The following SEMA3A variants were observed in gnomAD, a reference collection of about 807,000 sequenced individuals.
SEMA3A encodes the protein semaphorin 3A.
A neutral mutation model predicts 97.9 loss-of-function variants in SEMA3A; 29 were observed. That is an observed-to-expected ratio of 0.30 (90% CI 0.22 to 0.40). The LOEUF is 0.40. Among genes scored for constraint, SEMA3A ranks in the 10% least tolerant of loss-of-function variants. The pLI is 1.00. For missense variants in SEMA3A, 763 were observed against 951.3 expected (o/e 0.80, Z 2.60); for synonymous variants, 321 against 323.7 (o/e 0.99, Z 0.09).
intron 1 of SEMA3A, among the ~76,000 whole-genome samples, chr7:84,385,761 A>C (rs1181874403): frequency 6.6e-6 from 1 of 152,208 alleles, no homozygotes; most frequent in African/African-American, 2.4e-5. Flanking sequence ...AATTGGAAAT[A>C]CATTACCAGA....
At chr7:84,232,225 T>C (rs1027604240) in intron 3 of SEMA3A, among the ~76,000 whole-genome samples, 1 of 148,532 alleles carries the variant, frequency 6.7e-6, no homozygotes, top group African/African-American at 2.4e-5. Flanking sequence ...AGCATTTAAT[T>C]CCACAAATTA....
In SEMA3A at chr7:84,159,219, A is replaced by C. The variant is rs577277958; in HGVS notation, c.113-24268T>G. Among the ~76,000 whole-genome samples, 12 of 152,266 alleles carry C rather than the reference A, an allele frequency of 7.9e-5. No individual in the cohort carries two copies. In the South Asian group the frequency reaches 2.5e-3, roughly 32 times the overall value. ...TAGTACATAGTGAACAGCCACTTTA[A>C]ATTGTTTACCAAGGTCTTAAAGGTA... On this transcript the variant is annotated intron_variant, in intron 1 of 16. Transcript: ENST00000265362.
At chr7:84,311,017 T>TA (rs1801300583) in intron 2 of SEMA3A, among the ~76,000 whole-genome samples, 1 of 150,974 alleles carries the variant, frequency 6.6e-6, no homozygotes, top group South Asian at 2.1e-4. Flanking sequence ...TATATATATA[T>TA]TTCTAATGGC....
At position 84,399,295 on chromosome 7, in the gene SEMA3A, T is replaced by A. The variant is rs557583609; in HGVS notation, c.-245-27395A>T. On this transcript the variant is annotated intron_variant, in intron 1 of 3. Coordinates refer to the SEMA3A transcript ENST00000424555. The stretch of plus-strand genomic sequence containing the variant: ...GGCAGAAGGAATGTGAGTCCCAACC[T>A]TCTTTACCACTGGCTGACTAAAGTG... Among the ~76,000 whole-genome samples the A allele has an allele frequency of 5.3e-5, 8 of 152,338 alleles. No individual in the cohort carries two copies. In the East Asian group the frequency reaches 1.4e-3, roughly 26 times the overall value.
intron 12 of SEMA3A, among the ~76,000 whole-genome samples, chr7:83,995,183 G>C (rs556347654): frequency 3.3e-5 from 5 of 151,994 alleles, no homozygotes; most frequent in Non-Finnish European, 1.5e-5. Flanking sequence ...GCTCGCGCAC[G>C]GTGCGCTCAC....
chr7:84,064,957 C>T (rs1793418492), intron 4 of SEMA3A, among the ~76,000 whole-genome samples: 1 of 152,270 alleles, frequency 6.6e-6, no homozygotes, highest in Non-Finnish European at 1.5e-5. Flanking sequence ...CCCAAATCAA[C>T]AGAATATACA....
intron 1 of SEMA3A, among the ~76,000 whole-genome samples, chr7:84,477,229 G>A (rs1490810984): frequency 6.6e-6 from 1 of 150,622 alleles, no homozygotes; most frequent in Non-Finnish European, 1.5e-5. Flanking sequence ...ACAAGGTCAG[G>A]AGTTCAAGAC....
chr7:84,178,248 T>C (rs1231993804), intron 1 of SEMA3A, among the ~76,000 whole-genome samples: 1 of 152,168 alleles, frequency 6.6e-6, no homozygotes, highest in Non-Finnish European at 1.5e-5. Flanking sequence ...CTTTTGCTTT[T>C]TTATAACACT....
intron 12 of SEMA3A, among the ~76,000 whole-genome samples, chr7:84,000,350 C>A (rs1465019261): frequency 6.6e-6 from 1 of 151,970 alleles, no homozygotes; most frequent in Non-Finnish European, 1.5e-5. Flanking sequence ...TTATTATAAA[C>A]AAATAAGGCT....
intron 1 of SEMA3A, among the ~76,000 whole-genome samples, chr7:84,418,860 TGA>T (rs1804508190): frequency 6.6e-6 from 1 of 151,956 alleles, no homozygotes; most frequent in East Asian, 1.9e-4. Context: ...CTTGTAACTG[TGA>T]GTCAATTCTC....
chr7:84,409,251 T>C (rs1203415565), intron 1 of SEMA3A, among the ~76,000 whole-genome samples: 3 of 151,638 alleles, frequency 2.0e-5, no homozygotes, highest in African/African-American at 4.8e-5. Context: ...TTAATTACCT[T>C]AATTTGATTA....
chr7:84,066,496 C>T lies in SEMA3A; in HGVS notation c.454-5938G>A, dbSNP rs965355832. On this transcript the variant is annotated intron_variant, in intron 4 of 16. Coordinates refer to ENST00000265362, the MANE Select transcript of SEMA3A (RefSeq NM_006080.3). ...AAGTCAAATTGTCCCTGTTTGCAGACGACATGATCGTATATCTAGAAAACC... is the reference window on the plus strand; with the variant it reads ...AAGTCAAATTGTCCCTGTTTGCAGATGACATGATCGTATATCTAGAAAACC... Among the ~76,000 whole-genome samples, 279 of 146,264 alleles carry T rather than the reference C, an allele frequency of 1.9e-3. 1 individual carries two copies. Among genetic ancestry groups the T allele is most frequent in the African/African-American group, 6.3e-3 (243 of 38,406 alleles).
At chr7:84,276,562 T>C (rs1249625981) in intron 3 of SEMA3A, among the ~76,000 whole-genome samples, 1 of 152,122 alleles carries the variant, frequency 6.6e-6, no homozygotes, top group Non-Finnish European at 1.5e-5. Flanking sequence ...ACAAATAAGA[T>C]GGTACAATTT....
chr7:84,150,012 T>C (rs553829348), intron 1 of SEMA3A, among the ~76,000 whole-genome samples: 2 of 152,358 alleles, frequency 1.3e-5, no homozygotes, highest in East Asian at 3.9e-4. Context: ...ATTTTGCATG[T>C]AAAGAGTTTA....
intron 3 of SEMA3A, among the ~76,000 whole-genome samples, chr7:84,235,972 T>G (rs1407646272): frequency 6.6e-6 from 1 of 152,116 alleles, no homozygotes; most frequent in African/African-American, 2.4e-5. Context: ...CTCCCACAAC[T>G]TCAAGTATCA....
chr7:84,157,448 A>T (rs939794972), intron 1 of SEMA3A, among the ~76,000 whole-genome samples: 1 of 151,398 alleles, frequency 6.6e-6, no homozygotes, highest in Non-Finnish European at 1.5e-5. Flanking sequence ...GTTATCGTTG[A>T]TGACCACAAC....
At chr7:84,380,108 T>A (rs954011090) in intron 1 of SEMA3A, among the ~76,000 whole-genome samples, 39 of 152,258 alleles carry the variant, frequency 2.6e-4, no homozygotes, top group African/African-American at 8.9e-4. Context: ...TGTTCCCAAA[T>A]AAATGAGACT....
At chr7:84,119,493 G>A (rs1337579381) in intron 3 of SEMA3A, among the ~76,000 whole-genome samples, 1 of 152,170 alleles carries the variant, frequency 6.6e-6, no homozygotes, top group Non-Finnish European at 1.5e-5. Flanking sequence ...GTTTCATGAT[G>A]TCCTGTGGAC....
chr7:84,389,644 CAATACAGGATT>C (rs1000690836), intron 1 of SEMA3A, among the ~76,000 whole-genome samples: 4 of 151,986 alleles, frequency 2.6e-5, no homozygotes, highest in African/African-American at 9.7e-5. Context: ...TTCCTATATA[CAATACAGGATT>C]CATTGTTTTA....
Sources: allele counts gnomAD v4.1 joint callset (sites outside exome capture counted in the v4.1 genomes callset), GRCh38; gene constraint gnomAD v4.1.1; transcripts MANE v1.5; gene names NCBI Gene and HGNC (gene_info 2026-07-23, HGNC 2026-07-21).